The following SCGB2B2 variants were observed in gnomAD, a reference collection of about 807,000 sequenced individuals.
The protein encoded by SCGB2B2 is secretoglobin-like protein.
SCGB2B2 carries 11 observed loss-of-function variants against 7.6 expected under a neutral mutation model. The observed-to-expected ratio is 1.45, with a 90% confidence interval of 0.91 to 2.40. The LOEUF is 2.40. Among genes scored for constraint, SCGB2B2 ranks in the 30% most tolerant of loss-of-function variants. SCGB2B2 has a pLI of 0.00. For missense variants in SCGB2B2, 104 were observed against 115.4 expected (o/e 0.90, Z 0.45); for synonymous variants, 50 against 48.6 (o/e 1.03, Z -0.12).
chr19:34,630,855 G>T (rs2066509366), intron 1 of SCGB2B2, among the ~76,000 whole-genome samples: 1 of 151,872 alleles, frequency 6.6e-6, no homozygotes, highest in Non-Finnish European at 1.5e-5. Flanking sequence ...CAAAGACTTG[G>T]AACCAACCCA....
intron 1 of SCGB2B2, among the ~76,000 whole-genome samples, chr19:34,610,621 G>C (rs2065900444): frequency 6.6e-6 from 1 of 152,014 alleles, no homozygotes; most frequent in Non-Finnish European, 1.5e-5. Flanking sequence ...GTATTGATTT[G>C]TATATTTTCA....
chr19:34,662,569 A>G (rs898293862), intron 1 of SCGB2B2, among the ~76,000 whole-genome samples: 4 of 152,188 alleles, frequency 2.6e-5, no homozygotes, highest in Non-Finnish European at 5.9e-5. Flanking sequence ...ATTTAATTAT[A>G]TTAAACTTTA....
chr19:34,588,359 A>T (rs2065226065), downstream of SCGB2B2, among the ~76,000 whole-genome samples: 1 of 152,128 alleles, frequency 6.6e-6, no homozygotes, highest in East Asian at 1.9e-4. Context: ...AATCATGAAA[A>T]TTCACCCCTA....
Position 34,652,711 on chromosome 19 carries a change from C to T in SCGB2B2, c.-2032+22919G>A, listed in dbSNP as rs527881261. On this transcript the variant is annotated intron_variant, in intron 1 of 3. Transcript: ENST00000601241. ...TATGAAAAAGACAAAAGATACCAAA[C>T]GCTGGTGAGGAAGCAAAGAAGAGGG... Among the ~76,000 whole-genome samples, 7 of 151,326 alleles carry T rather than the reference C, an allele frequency of 4.6e-5. No homozygotes were observed. The East Asian group carries it at 1.2e-3, about 25-fold the overall frequency.
intron 1 of SCGB2B2, chr19:34,645,771 T>A: frequency 6.4e-6 from 2 of 312,430 alleles, no homozygotes; most frequent in African/African-American, 2.2e-5. Flanking sequence ...GCCCTGCTCC[T>A]TCACCGTCAT....
intron 1 of SCGB2B2, among the ~76,000 whole-genome samples, chr19:34,671,847 C>T (rs2067811301): frequency 6.6e-6 from 1 of 151,846 alleles, no homozygotes. Context: ...AGATTTTTTT[C>T]ACAGATTCTA....
chr19:34,626,254 C>T (rs756479865), intron 1 of SCGB2B2, among the ~76,000 whole-genome samples: 27 of 152,272 alleles, frequency 1.8e-4, no homozygotes, highest in Admixed American at 7.8e-4. Flanking sequence ...CAAAGATGGA[C>T]GGAGAGTGAC....
Position 34,675,692 on chromosome 19 carries a change from G to A in SCGB2B2, c.-2094C>T, listed in dbSNP as rs1214420065. On this transcript the variant is annotated 5_prime_UTR_variant, in exon 1 of 4. Coordinates refer to ENST00000601241, the MANE Select transcript of SCGB2B2 (RefSeq NM_001025591.4). Reference sequence around the variant, plus strand: ...ATTGGTTCCTTCTGGTGGGTTCCTGGTCTGGCTGGCTTCAGGAGTGAAGCT... The same window carrying A: ...ATTGGTTCCTTCTGGTGGGTTCCTGATCTGGCTGGCTTCAGGAGTGAAGCT... 6.5e-6 allele frequency: 1 copy of A among 152,702 alleles called. No homozygotes were observed. Among genetic ancestry groups the A allele is most frequent in the Non-Finnish European group, 1.5e-5 (1 of 68,514 alleles). 9.5% of individuals were successfully genotyped at this position (152,702 alleles called of 1,614,324 possible).
chr19:34,655,755 G>A (rs1179420861), intron 1 of SCGB2B2, among the ~76,000 whole-genome samples: 1 of 151,188 alleles, frequency 6.6e-6, no homozygotes, highest in Non-Finnish European at 1.5e-5. Context: ...AAACCAATAA[G>A]AAAAGTGAGA....
chr19:34,628,859 A>G (rs1239927222), intron 1 of SCGB2B2, among the ~76,000 whole-genome samples: 1 of 152,034 alleles, frequency 6.6e-6, no homozygotes, highest in African/African-American at 2.4e-5. Flanking sequence ...ACATCGATGC[A>G]AAAGTTCTCA....
At chr19:34,658,287 CAA>C (rs748249242) in intron 1 of SCGB2B2, among the ~76,000 whole-genome samples, 1 of 151,510 alleles carries the variant, frequency 6.6e-6, no homozygotes, top group Admixed American at 6.6e-5. Flanking sequence ...AAAAACCCTT[CAA>C]AAAAAATCAA....
chr19:34,605,602 G>A (rs368153890), intron 1 of SCGB2B2, among the ~76,000 whole-genome samples: 3 of 151,938 alleles, frequency 2.0e-5, no homozygotes, highest in African/African-American at 4.8e-5. Flanking sequence ...TTTTTGAGAC[G>A]GAGTTTTGCT....
Position 34,594,695 on chromosome 19 carries a change from GTGTGTGT to G in SCGB2B2, c.-139_-133del. 1.6e-6 allele frequency: 1 copy of G among 613,490 alleles called. No homozygotes were observed. The highest frequency in any genetic ancestry group is 2.8e-6 in the Non-Finnish European group (1 of 352,366). The allele number at this position is 613,490 out of a possible 1,614,324, so 38.0% of individuals were successfully genotyped here. On this transcript the variant is annotated 5_prime_UTR_variant, in exon 2 of 4. The change abolishes the stop of an existing upstream ORF in the 5' untranslated region. Coordinates refer to ENST00000601241, the MANE Select transcript of SCGB2B2 (RefSeq NM_001025591.4). ...TGTGTGTGTGTGTGTGTGTGTGTGT[GTGTGTGT>G]GAATGTGGTCAGGGCAGGTCTGCAG... is the stretch of plus-strand genomic sequence containing the variant.
chr19:34,630,038 A>C (rs1394753233), intron 1 of SCGB2B2, among the ~76,000 whole-genome samples: 1 of 151,878 alleles, frequency 6.6e-6, no homozygotes, highest in Admixed American at 6.6e-5. Flanking sequence ...AATAAATGGT[A>C]CTGGGAAAAC....
intron 1 of SCGB2B2, among the ~76,000 whole-genome samples, chr19:34,611,904 T>C (rs1273756094): frequency 2.0e-5 from 3 of 151,986 alleles, no homozygotes; most frequent in Admixed American, 6.6e-5. Context: ...CCACCTGCCT[T>C]GGCCTCCCAA....
At chr19:34,597,628 C>T (rs1036890456) in intron 1 of SCGB2B2, among the ~76,000 whole-genome samples, 1 of 152,224 alleles carries the variant, frequency 6.6e-6, no homozygotes, top group Non-Finnish European at 1.5e-5. Flanking sequence ...GGGCTCTGGG[C>T]AGCAGATGCA....
intron 1 of SCGB2B2, among the ~76,000 whole-genome samples, chr19:34,633,798 G>T (rs1278119841): frequency 6.8e-6 from 1 of 146,390 alleles, no homozygotes; most frequent in East Asian, 2.0e-4. Flanking sequence ...TTTAAAAAAT[G>T]GCTCCACATA....
rs746621349 is a variant in SCGB2B2, at chr19:34,594,490, G to T, written c.61+13C>A. On this transcript the variant is annotated intron_variant, in intron 2 of 3. Transcript: ENST00000601241. ...CCACCGCTTCCTCCCAGCCCTGCTC[G>T]CCTCTTTCTTACCCAGCTGGACGCT... 1 of 1,613,164 alleles carries T rather than the reference G, an allele frequency of 6.2e-7. No individual in the cohort carries two copies. Among genetic ancestry groups the T allele is most frequent in the African/African-American group, 1.3e-5 (1 of 74,870 alleles).
intron 1 of SCGB2B2, among the ~76,000 whole-genome samples, chr19:34,628,073 C>T (rs537144523): frequency 3.7e-4 from 56 of 152,074 alleles, no homozygotes; most frequent in African/African-American, 1.2e-3. Flanking sequence ...TTGAAACCAA[C>T]GAGAACAAAG....
Sources: allele counts gnomAD v4.1 joint callset (sites outside exome capture counted in the v4.1 genomes callset), GRCh38; gene constraint gnomAD v4.1.1; transcripts MANE v1.5; gene names NCBI Gene and HGNC (gene_info 2026-07-23, HGNC 2026-07-21).